Variants in ALPK2 observed in about 807,000 individuals in gnomAD.
The protein encoded by ALPK2 is alpha kinase 2.
A neutral mutation model predicts 163.1 loss-of-function variants in ALPK2; 127 were observed. The observed-to-expected ratio is 0.78, with a 90% CI of 0.67 to 0.90. The LOEUF is 0.90. Ranked by LOEUF, ALPK2 falls within the 40% of genes least tolerant of loss-of-function variation. The pLI is 0.00. For synonymous variants in ALPK2, 953 were observed against 959.1 expected, an observed-to-expected ratio of 0.99 and a Z score of 0.12; for missense variants, 2,360 against 2,589.6, an observed-to-expected ratio of 0.91 and a Z score of 1.92.
intron 10 of ALPK2, among the ~76,000 whole-genome samples, chr18:58,511,411 G>A (rs1386571234): frequency 6.6e-6 from 1 of 152,180 alleles, no homozygotes; most frequent in Non-Finnish European, 1.5e-5. Flanking sequence ...CGGACAAGGT[G>A]AACCCATCCA....
At chr18:58,543,494 GA>G in intron 4 of ALPK2, 1 of 652,100 alleles carries the variant, frequency 1.5e-6, no homozygotes, top group Non-Finnish European at 1.9e-6. Flanking sequence ...GAGGGCAGCA[GA>G]AAGGGTATCA....
intron 12 of ALPK2, among the ~76,000 whole-genome samples, chr18:58,496,529 T>G (rs1196747571): frequency 6.6e-6 from 1 of 152,240 alleles, no homozygotes. Context: ...ACCTGGAGGT[T>G]AAAAGAAAGA....
chr18:58,527,729 T>C (rs2051591618), intron 6 of ALPK2, among the ~76,000 whole-genome samples: 1 of 152,208 alleles, frequency 6.6e-6, no homozygotes, highest in South Asian at 2.1e-4. Context: ...TTCTTTTCCT[T>C]TATAATAATT....
At chr18:58,622,204 G>A (rs1339592245) in intron 1 of ALPK2, among the ~76,000 whole-genome samples, 6 of 151,934 alleles carry the variant, frequency 3.9e-5, no homozygotes, top group African/African-American at 9.7e-5. Context: ...AAAATTAGCC[G>A]GGTGTGGTGG....
rs1194531466 is a variant in ALPK2, at chr18:58,554,715, G to A, written c.1963-16491C>T. On this transcript the variant is annotated intron_variant, in intron 4 of 12. Transcript: ENST00000361673. ...CAGGTCTGGAGATTCAAAGGATCTGGCCTGGGGGTTAACAAGCCTGTTTAT... is the reference window on the plus strand; with the variant it reads ...CAGGTCTGGAGATTCAAAGGATCTGACCTGGGGGTTAACAAGCCTGTTTAT... Among the ~76,000 whole-genome samples the A allele has an allele frequency of 5.9e-5, 9 of 152,188 alleles. No individual in the cohort carries two copies. In the East Asian group the frequency reaches 1.5e-3, roughly 26 times the overall value.
chr18:58,557,755 A>G (rs1211529573), intron 4 of ALPK2, among the ~76,000 whole-genome samples: 1 of 151,850 alleles, frequency 6.6e-6, no homozygotes, highest in Non-Finnish European at 1.5e-5. Flanking sequence ...CAGCTGTAAA[A>G]GAGGAAAGAA....
intron 3 of ALPK2, among the ~76,000 whole-genome samples, chr18:58,599,309 A>G (rs2052057085): frequency 6.6e-6 from 1 of 152,214 alleles, no homozygotes; most frequent in African/African-American, 2.4e-5. Context: ...GGCTCCAGGC[A>G]TGGTCTGAGT....
At chr18:58,618,960 G>T (rs570092257) in intron 1 of ALPK2, among the ~76,000 whole-genome samples, 1 of 152,192 alleles carries the variant, frequency 6.6e-6, no homozygotes, top group Non-Finnish European at 1.5e-5. Flanking sequence ...CAGTCAGGGC[G>T]CCTACTCAGC....
At chr18:58,506,545 A>C (rs2051462997) in intron 10 of ALPK2, among the ~76,000 whole-genome samples, 1 of 151,942 alleles carries the variant, frequency 6.6e-6, no homozygotes, top group Non-Finnish European at 1.5e-5. Flanking sequence ...ATGAACATCC[A>C]CTGAATAGCT....
At chr18:58,607,460 G>T (rs550958600) in intron 2 of ALPK2, 21 bp from the exon 3 acceptor site, 6 of 1,448,524 alleles carry the variant, frequency 4.1e-6, no homozygotes, top group Non-Finnish European at 5.7e-6. Flanking sequence ...AGAAAGAAAA[G>T]TATCCTTATT....
At chr18:58,531,893 C>T (rs766433936) in intron 5 of ALPK2, among the ~76,000 whole-genome samples, 1 of 127,280 alleles carries the variant, frequency 7.9e-6, no homozygotes, top group African/African-American at 3.0e-5. Context: ...GCCGAGATTG[C>T]ACCACTGTGC....
At position 58,580,143 on chromosome 18, in the gene ALPK2, A is replaced by G; in HGVS notation, c.633T>C (p.Ile211=). The change falls in exon 4 of 13, where the codon ATT becomes ATC. Residue 211 remains isoleucine (I), a synonymous_variant. Transcript: ENST00000361673. ...EAYDPSNTEE[I]ANGLLFLNSS... The stretch of plus-strand genomic sequence containing the variant: ...AATTAAGAAAAAGCAACCCATTTGC[A>G]ATTTCTTCTGTGTTACTTGGATCAT... 1.2e-6 allele frequency: 2 copies of G among 1,614,212 alleles called. No homozygotes were observed. Among genetic ancestry groups the G allele is most frequent in the East Asian group, 2.2e-5 (1 of 44,886 alleles).
intron 12 of ALPK2, among the ~76,000 whole-genome samples, chr18:58,497,140 C>A (rs543705152): frequency 6.6e-6 from 1 of 152,268 alleles, no homozygotes; most frequent in Non-Finnish European, 1.5e-5. Flanking sequence ...CTGGTGCCCC[C>A]TCTTGGCAGC....
chr18:58,605,357 GCTAACATT>G (rs2052092660), intron 3 of ALPK2, among the ~76,000 whole-genome samples: 1 of 152,174 alleles, frequency 6.6e-6, no homozygotes, highest in Admixed American at 6.5e-5. Context: ...AAAAATGTTT[GCTAACATT>G]GATCTAGATA....
chr18:58,604,849 A>C (rs917556095), intron 3 of ALPK2, among the ~76,000 whole-genome samples: 1 of 151,988 alleles, frequency 6.6e-6, no homozygotes, highest in Non-Finnish European at 1.5e-5. Flanking sequence ...TTCCCTCCCC[A>C]AGTTTCTCCT....
intron 1 of ALPK2, among the ~76,000 whole-genome samples, chr18:58,621,505 T>C (rs1358112432): frequency 6.6e-6 from 1 of 152,100 alleles, no homozygotes; most frequent in Admixed American, 6.5e-5. Context: ...TCTCCTGACA[T>C]CGTGATCCGC....
intron 11 of ALPK2, 129 bp from the exon 12 acceptor site, chr18:58,498,226 G>A (rs1462603736): frequency 7.3e-6 from 6 of 823,988 alleles, no homozygotes; most frequent in Admixed American, 2.0e-5. Flanking sequence ...AACACTCGAG[G>A]CCTCTTTCAT....
At chr18:58,603,249 C>A (rs762350691) in intron 3 of ALPK2, among the ~76,000 whole-genome samples, 1 of 152,224 alleles carries the variant, frequency 6.6e-6, no homozygotes, top group Non-Finnish European at 1.5e-5. Flanking sequence ...TGAACTCCTT[C>A]ACTAATTATA....
At chr18:58,595,931 TGAA>T (rs1346396734) in intron 3 of ALPK2, among the ~76,000 whole-genome samples, 1 of 152,114 alleles carries the variant, frequency 6.6e-6, no homozygotes, top group Admixed American at 6.5e-5. Context: ...GGCAACATCT[TGAA>T]GTCACTTCCA....
Sources: allele counts gnomAD v4.1 joint callset (sites outside exome capture counted in the v4.1 genomes callset), GRCh38; gene constraint gnomAD v4.1.1; transcripts MANE v1.5; gene names NCBI Gene and HGNC (gene_info 2026-07-23, HGNC 2026-07-21).